GRM3: variants seen among roughly 807,000 people sequenced by gnomAD.
GRM3 encodes the protein metabotropic glutamate receptor 3.
GRM3 carries 26 observed loss-of-function variants against 70.5 expected under a neutral mutation model. The observed-to-expected ratio is 0.37, with a 90% CI of 0.27 to 0.51. The LOEUF (loss-of-function observed/expected upper bound fraction) is 0.51, where lower values mean the gene tolerates loss of function less well. GRM3 is among the 20% of genes least tolerant of loss of function. GRM3 has a pLI of 0.93. For synonymous variants in GRM3, 443 were observed against 434.9 expected, an observed-to-expected ratio of 1.02 and a Z score of -0.23; for missense variants, 859 against 1,123.8, an observed-to-expected ratio of 0.76 and a Z score of 3.37.
intron 1 of GRM3, among the ~76,000 whole-genome samples, chr7:86,746,610 C>A (rs1001138742): frequency 6.6e-6 from 1 of 151,850 alleles, no homozygotes; most frequent in Admixed American, 6.6e-5. Context: ...CAGAATCCAG[C>A]CATGGGCTTC....
chr7:86,777,686 A>AC (rs1796930434), intron 2 of GRM3, among the ~76,000 whole-genome samples: 1 of 152,232 alleles, frequency 6.6e-6, no homozygotes, highest in South Asian at 2.1e-4. Flanking sequence ...ACAAAACAAA[A>AC]CAAAAAAAGT....
intron 1 of GRM3, among the ~76,000 whole-genome samples, chr7:86,749,084 A>G (rs923415593): frequency 6.6e-6 from 1 of 152,116 alleles, no homozygotes; most frequent in Non-Finnish European, 1.5e-5. Flanking sequence ...TGTACAGCTT[A>G]AAATAACATA....
chr7:86,762,790 G>A (rs1796512371), intron 1 of GRM3, among the ~76,000 whole-genome samples: 1 of 151,978 alleles, frequency 6.6e-6, no homozygotes, highest in South Asian at 2.1e-4. Context: ...TGGTATAGAA[G>A]GACATTCTTG....
chr7:86,653,059 T>C (rs1342845784), intron 1 of GRM3, among the ~76,000 whole-genome samples: 1 of 152,236 alleles, frequency 6.6e-6, no homozygotes. Flanking sequence ...TTTTTCACAG[T>C]TGCAGATGTT....
intron 1 of GRM3, among the ~76,000 whole-genome samples, chr7:86,726,504 C>A (rs557364385): frequency 7.0e-4 from 106 of 152,228 alleles, no homozygotes; most frequent in Non-Finnish European, 1.2e-3. Context: ...CAGTTCAATT[C>A]TTTGTGTTCT....
intron 1 of GRM3, among the ~76,000 whole-genome samples, chr7:86,696,204 G>T (rs1002315939): frequency 6.6e-6 from 1 of 152,118 alleles, no homozygotes; most frequent in Non-Finnish European, 1.5e-5. Flanking sequence ...ATCTGCAATT[G>T]TTACCTTGTC....
intron 3 of GRM3, among the ~76,000 whole-genome samples, chr7:86,833,667 A>G (rs1177113524): frequency 1.3e-5 from 2 of 152,186 alleles, no homozygotes; most frequent in Non-Finnish European, 2.9e-5. Flanking sequence ...TAACCGTTCA[A>G]GGACAGGATT....
chr7:86,820,897 C>T (rs1798105928), intron 3 of GRM3, among the ~76,000 whole-genome samples: 1 of 152,302 alleles, frequency 6.6e-6, no homozygotes, highest in East Asian at 1.9e-4. Flanking sequence ...CATCTTCCAG[C>T]AGAGATGACC....
At chr7:86,736,842 A>G (rs538147221) in intron 1 of GRM3, among the ~76,000 whole-genome samples, 38 of 152,280 alleles carry the variant, frequency 2.5e-4, no homozygotes, top group African/African-American at 8.4e-4. Flanking sequence ...AAGATCTAAC[A>G]TTCTCCCACA....
chr7:86,685,064 T>C (rs1794531396), intron 1 of GRM3, among the ~76,000 whole-genome samples: 2 of 152,230 alleles, frequency 1.3e-5, no homozygotes, highest in South Asian at 4.1e-4. Context: ...TGAAAATTGT[T>C]GCTAGGTTCA....
rs1799023579 is a variant in GRM3, at chr7:86,864,458, C to CT, written c.*110dup. The stretch of plus-strand genomic sequence containing the variant: ...CAGAGCAAAAGAACAACCCTAGTAC[C>CT]TTTTTTTAGAAACAGTACGATAAAT... On this transcript the variant is annotated 3_prime_UTR_variant, in exon 6 of 6. Transcript: ENST00000361669. 2 of 830,456 alleles carry CT rather than the reference C, an allele frequency of 2.4e-6. No individual in the cohort carries two copies. Among genetic ancestry groups the CT allele is most frequent in the Non-Finnish European group, 4.3e-6 (2 of 467,914 alleles). 51.4% of individuals were successfully genotyped at this position (830,456 alleles called of 1,614,324 possible). A position where few individuals can be genotyped will look rare whatever the true frequency, so the allele number is the denominator to read the frequency against.
At chr7:86,708,700 A>G (rs1246524661) in intron 1 of GRM3, among the ~76,000 whole-genome samples, 1 of 152,154 alleles carries the variant, frequency 6.6e-6, no homozygotes, top group East Asian at 1.9e-4. Flanking sequence ...GAGCTAAAGA[A>G]ATTCACCCAG....
chr7:86,774,257 T>C (rs1261673956), intron 2 of GRM3, among the ~76,000 whole-genome samples: 1 of 152,130 alleles, frequency 6.6e-6, no homozygotes, highest in Admixed American at 6.6e-5. Flanking sequence ...ATGGATTTAA[T>C]GTAGTAGAGG....
At chr7:86,796,822 T>C (rs961770037) in intron 3 of GRM3, among the ~76,000 whole-genome samples, 1 of 152,158 alleles carries the variant, frequency 6.6e-6, no homozygotes, top group Admixed American at 6.5e-5. Context: ...AATTCTCACA[T>C]GTCATGGAAG....
chr7:86,755,475 G>T (rs1461313735), intron 1 of GRM3, among the ~76,000 whole-genome samples: 1 of 152,124 alleles, frequency 6.6e-6, no homozygotes, highest in African/African-American at 2.4e-5. Flanking sequence ...TGGGGGTTAA[G>T]GATGGGAGAG....
At chr7:86,864,060 T>C (rs956046742) in intron 5 of GRM3, among the ~76,000 whole-genome samples, 4 of 149,154 alleles carry the variant, frequency 2.7e-5, no homozygotes, top group Admixed American at 6.6e-5. Context: ...GGGGAATAGA[T>C]GGTATTTGGT....
In GRM3 at chr7:86,819,544, G is replaced by A. The variant is rs564313332; in HGVS notation, c.1325-19295G>A. ...CTGGCCACTGTAGCAGCAACAATCA[G>A]AGATGGAGAGCCCGAGTTGAAACTA... On this transcript the variant is annotated intron_variant, in intron 3 of 5. Coordinates refer to ENST00000361669, the MANE Select transcript of GRM3 (RefSeq NM_000840.3). 5.3e-5 allele frequency among the ~76,000 whole-genome samples: 8 copies of A among 152,222 alleles called. No homozygotes were observed. In the East Asian group the frequency reaches 7.7e-4, roughly 15 times the overall value.
chr7:86,788,127 G>A (rs1488143255), intron 3 of GRM3, among the ~76,000 whole-genome samples: 2 of 152,170 alleles, frequency 1.3e-5, no homozygotes, highest in Non-Finnish European at 2.9e-5. Context: ...CTCAGGCATC[G>A]TTCCAATCTG....
intron 3 of GRM3, among the ~76,000 whole-genome samples, chr7:86,793,500 C>T (rs1797474738): frequency 6.6e-6 from 1 of 152,188 alleles, no homozygotes; most frequent in South Asian, 2.1e-4. Flanking sequence ...AAACTTGTTC[C>T]AGCTCTGCTG....
Sources: allele counts gnomAD v4.1 joint callset (sites outside exome capture counted in the v4.1 genomes callset), GRCh38; gene constraint gnomAD v4.1.1; transcripts MANE v1.5; gene names NCBI Gene and HGNC (gene_info 2026-07-23, HGNC 2026-07-21).